Variants in TXNDC11 observed in about 807,000 individuals in gnomAD.
TXNDC11 encodes the protein thioredoxin domain-containing protein 11.
TXNDC11 carries 68 observed loss-of-function variants against 78.0 expected under a neutral mutation model. That is an observed-to-expected ratio of 0.87 (90% confidence interval 0.72 to 1.07). The LOEUF (loss-of-function observed/expected upper bound fraction) is 1.07, where lower values mean the gene tolerates loss of function less well. TXNDC11 is among the 50% of genes least tolerant of loss of function. The probability of loss-of-function intolerance (pLI) is 0.00; values close to 1 mark genes in which losing one functional copy is unlikely to be tolerated. For missense variants in TXNDC11, 1,389 were observed against 1,221.8 expected, an observed-to-expected ratio of 1.14 and a Z score of -2.04; for synonymous variants, 571 against 495.2, an observed-to-expected ratio of 1.15 and a Z score of -2.03.
At position 11,721,688 on chromosome 16, in the gene TXNDC11, G is replaced by A; in HGVS notation, c.700-18C>T. The A allele has an allele frequency of 6.5e-7, 1 of 1,532,338 alleles. No homozygotes were observed. Among genetic ancestry groups the A allele is most frequent in the Non-Finnish European group, 9.0e-7 (1 of 1,108,334 alleles). 94.9% of individuals were successfully genotyped at this position (1,532,338 alleles called of 1,614,324 possible). Reference sequence around the variant, plus strand: ...ACTCCAGGCTGCAGGAAAAAGAGCAGAATTAGGTAACTGAGGCACTGTCAG... The same window carrying A: ...ACTCCAGGCTGCAGGAAAAAGAGCAAAATTAGGTAACTGAGGCACTGTCAG... On this transcript the variant is annotated intron_variant, in intron 4 of 11. Transcript: ENST00000283033.
chr16:11,738,252 C>A (rs2052286270), intron 1 of TXNDC11, among the ~76,000 whole-genome samples: 1 of 152,194 alleles, frequency 6.6e-6, no homozygotes, highest in Admixed American at 6.5e-5. Flanking sequence ...TCCAACGGAG[C>A]AAGTCACCTA....
chr16:11,719,222 G>C (rs898533677), intron 5 of TXNDC11, among the ~76,000 whole-genome samples: 5 of 152,130 alleles, frequency 3.3e-5, no homozygotes, highest in Admixed American at 3.3e-4. Context: ...AATGACTCTA[G>C]GTTACCCTTT....
rs1415032504 is a variant in TXNDC11, at chr16:11,695,770, T to C, written c.1107+2355A>G. Among the ~76,000 whole-genome samples, 6 of 152,326 alleles carry C rather than the reference T, an allele frequency of 3.9e-5. No homozygotes were observed. The East Asian group carries it at 9.6e-4, about 24-fold the overall frequency. ...TGTATGGGCCAGGTGCAGTGGCTCA[T>C]GCCTGTAATCCCAACACTTTAGGAG... On this transcript the variant is annotated intron_variant, in intron 7 of 11. Transcript: ENST00000283033.
chr16:11,708,828 T>C (rs1018361057), intron 5 of TXNDC11, among the ~76,000 whole-genome samples: 1 of 152,240 alleles, frequency 6.6e-6, no homozygotes, highest in Non-Finnish European at 1.5e-5. Flanking sequence ...ATTCTCATTT[T>C]AGTCTGTTAA....
chr16:11,698,361 C>A (rs1307820560), intron 6 of TXNDC11, 36 bp from the exon 7 acceptor site: 5 of 1,595,756 alleles, frequency 3.1e-6, no homozygotes, highest in Non-Finnish European at 4.3e-6. Context: ...TAAAGGAGAG[C>A]TCGTGAGGTG....
At chr16:11,721,081 A>G (rs2051691071) in intron 5 of TXNDC11, among the ~76,000 whole-genome samples, 1 of 151,984 alleles carries the variant, frequency 6.6e-6, no homozygotes, top group Non-Finnish European at 1.5e-5. Context: ...TTGCGAGACT[A>G]TATGTGAAAC....
At chr16:11,728,214 C>A (rs909756043) in intron 4 of TXNDC11, among the ~76,000 whole-genome samples, 1 of 152,170 alleles carries the variant, frequency 6.6e-6, no homozygotes, top group African/African-American at 2.4e-5. Context: ...ATCTTATAGG[C>A]AGTGTGTGTG....
In TXNDC11 at chr16:11,691,871, T is replaced by C; in HGVS notation, c.1319A>G (p.Asn440Ser). 3.1e-6 allele frequency: 5 copies of C among 1,614,234 alleles called. No homozygotes were observed. Among genetic ancestry groups the C allele is most frequent in the Non-Finnish European group, 4.2e-6 (5 of 1,180,022 alleles). ...CTGGTTGACACAGAGTTCACAGACG[T>C]TGTGGGTCCTGGAGAAGGAGTGCCA... ...PQWHSFSRTH[N>S]VCELCVNQTS... is the part of the protein sequence containing the mutation. Residue 440 changes from asparagine (N) to serine (S), a missense_variant, in exon 8 of 12, where the codon AAC becomes AGC. Physicochemically the swap from Asn to Ser is conservative, Grantham distance 46. Transcript: ENST00000283033.
At position 11,688,287 on chromosome 16, in the gene TXNDC11, T is replaced by C. The variant is rs761521292; in HGVS notation, c.2043+16A>G. On this transcript the variant is annotated intron_variant, in intron 9 of 11. Coordinates refer to ENST00000283033, the MANE Select transcript of TXNDC11 (RefSeq NM_015914.7). The stretch of plus-strand genomic sequence containing the variant: ...AGGGACAGATGGCTTAACTTTTGCC[T>C]CTCATGACTCCATACCTGTTTTTGA... The C allele has an allele frequency of 4.4e-6, 7 of 1,607,738 alleles. No individual in the cohort carries two copies. The South Asian group carries it at 6.6e-5, about 15-fold the overall frequency.
intron 5 of TXNDC11, among the ~76,000 whole-genome samples, chr16:11,714,357 C>A (rs1271385036): frequency 2.0e-5 from 3 of 152,180 alleles, no homozygotes; most frequent in African/African-American, 7.2e-5. Flanking sequence ...ATCTCACCAT[C>A]TGGCCGCGCT....
At chr16:11,732,831 A>G (rs2052095026) in intron 3 of TXNDC11, among the ~76,000 whole-genome samples, 1 of 152,194 alleles carries the variant, frequency 6.6e-6, no homozygotes, top group South Asian at 2.1e-4. Flanking sequence ...CATGTTTGCT[A>G]TAAATCCCCA....
intron 5 of TXNDC11, 71 bp from the exon 6 acceptor site, chr16:11,700,635 A>G: frequency 1.3e-6 from 1 of 756,300 alleles, no homozygotes; most frequent in South Asian, 1.6e-5. Context: ...CCCAGTGATC[A>G]AGTCTTGAAG....
At chr16:11,693,576 T>G (rs1326526077) in intron 7 of TXNDC11, among the ~76,000 whole-genome samples, 1 of 152,174 alleles carries the variant, frequency 6.6e-6, no homozygotes, top group Non-Finnish European at 1.5e-5. Flanking sequence ...AACGTAATAT[T>G]TATAGTTAAT....
At chr16:11,686,753 C>T (rs899502329) in intron 10 of TXNDC11, among the ~76,000 whole-genome samples, 2 of 152,222 alleles carry the variant, frequency 1.3e-5, no homozygotes, top group Non-Finnish European at 2.9e-5. Flanking sequence ...CTGCTCACAT[C>T]CTTTGTTCAG....
At chr16:11,688,689 T>C (rs999574398) in intron 8 of TXNDC11, 6 of 341,564 alleles carry the variant, frequency 1.8e-5, no homozygotes, top group Non-Finnish European at 2.7e-5. Context: ...TGCTCTAATA[T>C]TCATAGACTA....
At chr16:11,713,656 T>C (rs2051434324) in intron 5 of TXNDC11, among the ~76,000 whole-genome samples, 1 of 152,148 alleles carries the variant, frequency 6.6e-6, no homozygotes. Context: ...CCTCAGGTGA[T>C]CCATGCGCCT....
At chr16:11,730,916 G>A in intron 3 of TXNDC11, 142 bp from the exon 4 acceptor site, 1 of 591,220 alleles carries the variant, frequency 1.7e-6, no homozygotes. Context: ...CAGATCAGTA[G>A]CCTGCTTTGC....
intron 1 of TXNDC11, 59 bp from the exon 2 acceptor site, chr16:11,736,292 T>C (rs1481860064): frequency 1.5e-6 from 2 of 1,347,380 alleles, no homozygotes; most frequent in Non-Finnish European, 2.1e-6. Flanking sequence ...AAAATAGCTC[T>C]GTGGAAGTAG....
chr16:11,731,787 A>C (rs2052060448), intron 3 of TXNDC11, among the ~76,000 whole-genome samples: 1 of 152,166 alleles, frequency 6.6e-6, no homozygotes, highest in Admixed American at 6.5e-5. Flanking sequence ...CATGAAAAAA[A>C]GTGAAAAACA....
Sources: gnomAD v4.1 joint callset for allele counts (sites outside exome capture counted in the v4.1 genomes callset) on GRCh38, gnomAD v4.1.1 for gene constraint, MANE v1.5 for transcripts, NCBI Gene and HGNC (gene_info 2026-07-23, HGNC 2026-07-21) for gene names.